The following HHAT variants were observed in gnomAD, a reference collection of about 807,000 sequenced individuals.
The protein encoded by HHAT is hedgehog acyltransferase.
HHAT carries 47 observed loss-of-function variants against 70.8 expected under a neutral mutation model. The ratio of observed to expected loss-of-function variants is 0.66; its 90% CI spans 0.53 to 0.85. HHAT has a LOEUF of 0.85. HHAT is among the 40% of genes least tolerant of loss of function. The pLI, the probability that HHAT is intolerant of heterozygous loss-of-function variation, is 0.00. For missense variants in HHAT, 609 were observed against 604.8 expected (o/e 1.01, Z -0.07); for synonymous variants, 228 against 247.6 (o/e 0.92, Z 0.74).
intron 10 of HHAT, among the ~76,000 whole-genome samples, chr1:210,617,957 T>A (rs1197489650): frequency 6.6e-6 from 1 of 152,182 alleles, no homozygotes; most frequent in Non-Finnish European, 1.5e-5. Context: ...CTGTAACTTA[T>A]TTAGGGCAAA....
chr1:210,527,083 G>A (rs920260719), intron 9 of HHAT, among the ~76,000 whole-genome samples: 3 of 152,136 alleles, frequency 2.0e-5, no homozygotes, highest in African/African-American at 7.2e-5. Context: ...GCATCAGGAT[G>A]GGGGCTGGGT....
intron 8 of HHAT, among the ~76,000 whole-genome samples, chr1:210,493,944 C>G (rs1206848564): frequency 6.6e-6 from 1 of 152,188 alleles, no homozygotes; most frequent in Non-Finnish European, 1.5e-5. Context: ...AAAGTAGGCA[C>G]TTGAAATTGA....
At chr1:210,623,088 C>T (rs76005044) in intron 10 of HHAT, among the ~76,000 whole-genome samples, 3,325 of 152,192 alleles carry the variant, frequency 0.022, 69 homozygotes, top group East Asian at 0.054. Context: ...TGTTTTGTTT[C>T]GAGACACGCT....
intron 7 of HHAT, among the ~76,000 whole-genome samples, chr1:210,442,195 G>C (rs1304822988): frequency 2.2e-5 from 3 of 139,230 alleles, no homozygotes; most frequent in African/African-American, 5.3e-5. Flanking sequence ...ATTTTTTATG[G>C]CTGCATAGTA....
intron 10 of HHAT, among the ~76,000 whole-genome samples, chr1:210,619,112 C>T (rs1288434735): frequency 1.3e-5 from 2 of 152,140 alleles, no homozygotes; most frequent in Non-Finnish European, 2.9e-5. Flanking sequence ...CTTGCTGTAA[C>T]CAGGCCAAAA....
intron 1 of HHAT, among the ~76,000 whole-genome samples, chr1:210,332,049 T>A (rs2085037587): frequency 6.6e-6 from 1 of 152,224 alleles, no homozygotes; most frequent in African/African-American, 2.4e-5. Context: ...GGGCATGTAC[T>A]TTAATGTGGT....
intron 4 of HHAT, among the ~76,000 whole-genome samples, chr1:210,388,564 T>C (rs1277826467): frequency 6.6e-6 from 1 of 152,116 alleles, no homozygotes; most frequent in Non-Finnish European, 1.5e-5. Flanking sequence ...TTTTTTTTTG[T>C]ACTCAAGTGG....
intron 9 of HHAT, among the ~76,000 whole-genome samples, chr1:210,534,404 A>AT (rs371826217): frequency 7.7e-4 from 117 of 152,066 alleles, no homozygotes; most frequent in African/African-American, 2.6e-3. Context: ...GTTTTGTTAC[A>AT]TTTTGTTTAT....
intron 6 of HHAT, among the ~76,000 whole-genome samples, chr1:210,407,719 G>T (rs2092388121): frequency 6.6e-6 from 1 of 152,158 alleles, no homozygotes; most frequent in South Asian, 2.1e-4. Flanking sequence ...CGTTTCTGTG[G>T]AACTCGGATA....
Position 210,352,656 on chromosome 1 carries a change from G to A in HHAT, c.91+3590G>A, listed in dbSNP as rs142452262. ...CTATCAGCAGTAGTGGGGTTGTCAC[G>A]TGGTTGGGGACAGCAGACTGATTTT... On this transcript the variant is annotated intron_variant, in intron 2 of 11. Coordinates refer to ENST00000261458, the MANE Select transcript of HHAT (RefSeq NM_018194.6). Among the ~76,000 whole-genome samples, 473 of 152,256 alleles carry A rather than the reference G, an allele frequency of 3.1e-3. 5 individuals carry two copies. The highest frequency in any genetic ancestry group is 2.4e-3 in the Non-Finnish European group (164 of 68,016).
At chr1:210,601,715 A>G (rs907045089) in intron 10 of HHAT, among the ~76,000 whole-genome samples, 6 of 152,166 alleles carry the variant, frequency 3.9e-5, no homozygotes, top group Admixed American at 3.3e-4. Flanking sequence ...TCATATTATG[A>G]TGACTGCTTT....
chr1:210,536,771 G>A (rs568588059), intron 9 of HHAT, among the ~76,000 whole-genome samples: 3 of 152,262 alleles, frequency 2.0e-5, no homozygotes, highest in East Asian at 1.9e-4. Context: ...AGGATTTGGC[G>A]ATGTTGGCAC....
At chr1:210,618,558 C>T (rs1392277347) in intron 10 of HHAT, among the ~76,000 whole-genome samples, 2 of 152,194 alleles carry the variant, frequency 1.3e-5, no homozygotes, top group Non-Finnish European at 2.9e-5. Context: ...CAGTCTCCAG[C>T]AGCCATTCCT....
Position 210,400,468 on chromosome 1 carries a change from C to A in HHAT, c.274C>A (p.His92Asn). ...TCTGGATGGGCCCCACCATTTGCAG[C>A]ACAGACCCTGGATTCTCATGCTCTA... ...SQMATLLARK[H>N]RPWILMLYGM... is the part of the protein sequence containing the mutation. The change falls in exon 5 of 12, where the codon CAC becomes AAC. Residue 92 changes from histidine to asparagine, a missense_variant and splice_region_variant. His to Asn is a moderately conservative substitution (Grantham distance 68, BLOSUM62 1). Coordinates refer to ENST00000261458, the MANE Select transcript of HHAT (RefSeq NM_018194.6). 1 of 1,607,728 alleles carries A rather than the reference C, an allele frequency of 6.2e-7. No homozygotes were observed. Among genetic ancestry groups the A allele is most frequent in the South Asian group, 1.1e-5 (1 of 89,846 alleles).
intron 9 of HHAT, among the ~76,000 whole-genome samples, chr1:210,582,577 T>C (rs544801804): frequency 1.4e-3 from 216 of 152,324 alleles, no homozygotes; most frequent in African/African-American, 5.1e-3. Flanking sequence ...CCACATGGAT[T>C]GTTACCACCC....
chr1:210,636,357 G>A (rs1181816878), intron 11 of HHAT, among the ~76,000 whole-genome samples: 1 of 152,174 alleles, frequency 6.6e-6, no homozygotes, highest in African/African-American at 2.4e-5. Context: ...CCCTTAACCT[G>A]AGGATGATTA....
chr1:210,508,047 A>G (rs1429538338), intron 8 of HHAT, among the ~76,000 whole-genome samples: 1 of 151,740 alleles, frequency 6.6e-6, no homozygotes, highest in African/African-American at 2.4e-5. Context: ...AAAATACAAA[A>G]AATTAGCCAG....
At chr1:210,404,428 C>T in intron 5 of HHAT, 36 bp from the exon 6 acceptor site, 1 of 1,514,258 alleles carries the variant, frequency 6.6e-7, no homozygotes, top group Non-Finnish European at 9.2e-7. Flanking sequence ...TCCCTGCTGG[C>T]CACTCAAAGG....
intron 11 of HHAT, among the ~76,000 whole-genome samples, chr1:210,663,467 A>C (rs144010932): frequency 2.6e-5 from 4 of 152,170 alleles, no homozygotes. Flanking sequence ...CTAATGTCCA[A>C]TGAGCGTTTA....
Sources: allele counts gnomAD v4.1 joint callset (sites outside exome capture counted in the v4.1 genomes callset), GRCh38; gene constraint gnomAD v4.1.1; transcripts MANE v1.5; gene names NCBI Gene and HGNC (gene_info 2026-07-23, HGNC 2026-07-21).